Variants in VPS13B observed in about 807,000 individuals in gnomAD.
VPS13B encodes intermembrane lipid transfer protein VPS13B.
Under a neutral mutation model 426.4 loss-of-function variants are expected in VPS13B, and 285 were observed. The ratio of observed to expected loss-of-function variants is 0.67; its 90% CI spans 0.61 to 0.74. VPS13B has a LOEUF of 0.74. VPS13B is among the 30% of genes least tolerant of loss of function. The pLI is 0.00. For missense variants in VPS13B, 4,537 were observed against 4,782.6 expected (o/e 0.95, Z 1.51); for synonymous variants, 1,676 against 1,676.4 (o/e 1.00, Z 0.01).
intron 39 of VPS13B, among the ~76,000 whole-genome samples, chr8:99,724,732 C>T (rs1244808268): frequency 1.3e-5 from 2 of 152,142 alleles, no homozygotes; most frequent in Admixed American, 1.3e-4. Flanking sequence ...ATGCCTAGAC[C>T]ACTAAAAAAG....
At chr8:99,326,511 G>A (rs1240158282) in intron 19 of VPS13B, among the ~76,000 whole-genome samples, 1 of 76,960 alleles carries the variant, frequency 1.3e-5, no homozygotes, top group African/African-American at 5.2e-5. Context: ...GTTGCCTAGT[G>A]GCACAATCTC....
intron 33 of VPS13B, among the ~76,000 whole-genome samples, chr8:99,600,067 G>C (rs1489750400): frequency 6.6e-6 from 1 of 152,042 alleles, no homozygotes. Context: ...AAATTGTTGG[G>C]CTACTCAGTG....
chr8:99,550,387 G>A (rs1292786377), intron 30 of VPS13B, among the ~76,000 whole-genome samples: 4 of 151,458 alleles, frequency 2.6e-5, no homozygotes, highest in East Asian at 1.9e-4. Flanking sequence ...GGACAGTGAC[G>A]ACTAGGAGAG....
At chr8:99,230,649 C>T (rs950808385) in intron 17 of VPS13B, among the ~76,000 whole-genome samples, 3 of 152,180 alleles carry the variant, frequency 2.0e-5, no homozygotes, top group Non-Finnish European at 4.4e-5. Context: ...CAATCAGTTT[C>T]CTCCTCTGTA....
At chr8:99,555,539 A>G (rs1244247467) in intron 30 of VPS13B, among the ~76,000 whole-genome samples, 1 of 152,116 alleles carries the variant, frequency 6.6e-6, no homozygotes, top group Non-Finnish European at 1.5e-5. Context: ...TATGGGGGCC[A>G]AAAGCTATTT....
chr8:99,871,643 GAAC>G lies in VPS13B; in HGVS notation c.11695_11697del (p.Asn3899del), dbSNP rs1462286408. On this transcript the variant is annotated inframe_deletion, in exon 61 of 62. Transcript: ENST00000357162. Reference sequence around the variant, plus strand: ...TCGACTGTGCACAGGACAGCAAGCAGAACAACTTACTCACAGTGCAGCTCAAGC... The same window carrying G: ...TCGACTGTGCACAGGACAGCAAGCAGAACTTACTCACAGTGCAGCTCAAGC... The G allele has an allele frequency of 1.2e-6, 2 of 1,614,074 alleles. No homozygotes were observed. Among genetic ancestry groups the G allele is most frequent in the East Asian group, 4.5e-5 (2 of 44,884 alleles).
At chr8:99,787,761 G>A (rs1176697321) in intron 43 of VPS13B, among the ~76,000 whole-genome samples, 2 of 152,116 alleles carry the variant, frequency 1.3e-5, no homozygotes, top group Non-Finnish European at 2.9e-5. Flanking sequence ...GATTTATATA[G>A]AGGCTGTTTA....
intron 24 of VPS13B, among the ~76,000 whole-genome samples, chr8:99,477,256 C>T (rs1047100453): frequency 1.4e-4 from 22 of 152,190 alleles, no homozygotes; most frequent in Non-Finnish European, 2.4e-4. Context: ...CAGACATACA[C>T]ATGACCTAAA....
chr8:99,811,186 C>T (rs1813678806), intron 44 of VPS13B, among the ~76,000 whole-genome samples: 1 of 152,172 alleles, frequency 6.6e-6, no homozygotes, highest in Non-Finnish European at 1.5e-5. Flanking sequence ...CACACAGCAG[C>T]CCTTTCTGTT....
At chr8:99,115,505 C>T (rs144613107) in intron 6 of VPS13B, among the ~76,000 whole-genome samples, 195 bp from the exon 7 acceptor site, 1 of 151,966 alleles carries the variant, frequency 6.6e-6, no homozygotes, top group African/African-American at 2.4e-5. Flanking sequence ...TTCTATCTAA[C>T]GTGTATTGAT....
At chr8:99,096,836 T>C (rs746906796) in intron 4 of VPS13B, among the ~76,000 whole-genome samples, 18 of 152,096 alleles carry the variant, frequency 1.2e-4, no homozygotes, top group Non-Finnish European at 2.5e-4. Context: ...TTTTAAGCTA[T>C]ATGTGCATAT....
At chr8:99,121,718 A>G (rs1446319688) in intron 8 of VPS13B, 1 of 701,088 alleles carries the variant, frequency 1.4e-6, no homozygotes, top group Non-Finnish European at 2.0e-6. Context: ...TTGGTGTACA[A>G]ACATGCCTTA....
intron 3 of VPS13B, among the ~76,000 whole-genome samples, chr8:99,041,472 A>G (rs1444517121): frequency 6.6e-6 from 1 of 152,178 alleles, no homozygotes; most frequent in Non-Finnish European, 1.5e-5. Flanking sequence ...TTTTTTGTTC[A>G]GCCTCTAGGG....
chr8:99,091,166 G>A (rs1229536489), intron 3 of VPS13B, among the ~76,000 whole-genome samples: 2 of 152,158 alleles, frequency 1.3e-5, no homozygotes, highest in Non-Finnish European at 2.9e-5. Flanking sequence ...AGGAGAGATG[G>A]CTAATGGTTG....
At chr8:99,216,474 C>T (rs187542349) in intron 17 of VPS13B, among the ~76,000 whole-genome samples, 26 of 151,814 alleles carry the variant, frequency 1.7e-4, no homozygotes, top group African/African-American at 5.8e-4. Context: ...AACATATTCT[C>T]ATCCTAGCAT....
intron 33 of VPS13B, among the ~76,000 whole-genome samples, chr8:99,613,044 A>T (rs545641290): frequency 1.6e-4 from 24 of 151,970 alleles, no homozygotes; most frequent in African/African-American, 4.6e-4. Flanking sequence ...TATCTTTTTT[A>T]AAAAAATCTT....
intron 44 of VPS13B, among the ~76,000 whole-genome samples, chr8:99,811,925 A>G (rs1181722465): frequency 1.3e-5 from 2 of 152,174 alleles, no homozygotes; most frequent in Non-Finnish European, 2.9e-5. Flanking sequence ...TACTCTAATG[A>G]AATGTTATCA....
chr8:99,434,578 C>G (rs1011579511), intron 22 of VPS13B, among the ~76,000 whole-genome samples: 2 of 152,092 alleles, frequency 1.3e-5, no homozygotes, highest in African/African-American at 4.8e-5. Flanking sequence ...AAATACATAC[C>G]TGCCATAAAA....
At chr8:99,854,295 C>T in intron 56 of VPS13B, 39 bp downstream of exon 56, 1 of 1,599,394 alleles carries the variant, frequency 6.3e-7, no homozygotes, top group Non-Finnish European at 8.5e-7. Context: ...GAGCTAGAGC[C>T]CGGGTAGAAA....
Sources: gnomAD v4.1 joint callset for allele counts (sites outside exome capture counted in the v4.1 genomes callset) on GRCh38, gnomAD v4.1.1 for gene constraint, MANE v1.5 for transcripts, NCBI Gene and HGNC (gene_info 2026-07-23, HGNC 2026-07-21) for gene names.